The following MKLN1 variants were observed in gnomAD, a reference collection of about 807,000 sequenced individuals.
MKLN1 encodes the protein muskelin 1, also known as muskelin.
Under a neutral mutation model 99.0 loss-of-function variants are expected in MKLN1, and 18 were observed. The observed-to-expected ratio is 0.18, with a 90% CI of 0.13 to 0.27. The LOEUF is 0.27. Ranked by LOEUF, MKLN1 falls within the 10% of genes least tolerant of loss-of-function variation. MKLN1 has a pLI of 1.00. For synonymous variants in MKLN1, 288 were observed against 293.2 expected, an observed-to-expected ratio of 0.98 and a Z score of 0.18; for missense variants, 621 against 875.9, an observed-to-expected ratio of 0.71 and a Z score of 3.67.
intron 2 of MKLN1, among the ~76,000 whole-genome samples, chr7:131,155,292 A>G (rs2116296856): frequency 6.6e-6 from 1 of 152,336 alleles, no homozygotes; most frequent in Non-Finnish European, 1.5e-5. Flanking sequence ...GAAACGAAGG[A>G]GGAAATAGTT....
At chr7:131,211,301 C>G (rs774169287) in intron 3 of MKLN1, among the ~76,000 whole-genome samples, 2 of 152,130 alleles carry the variant, frequency 1.3e-5, no homozygotes, top group Non-Finnish European at 2.9e-5. Flanking sequence ...TTCCTAAATA[C>G]TTTATTATAT....
intron 1 of MKLN1, among the ~76,000 whole-genome samples, chr7:131,128,390 G>A (rs1002199179): frequency 1.4e-4 from 21 of 152,050 alleles, no homozygotes; most frequent in Admixed American, 1.4e-3. Flanking sequence ...GCCTTCATGA[G>A]CAAAAAAGCA....
intron 3 of MKLN1, among the ~76,000 whole-genome samples, chr7:131,250,535 G>A (rs1168947129): frequency 6.6e-6 from 1 of 152,202 alleles, no homozygotes; most frequent in African/African-American, 2.4e-5. Flanking sequence ...CCATGGAGAT[G>A]TGGTGTACGC....
At chr7:131,328,113 G>A in intron 1 of MKLN1, 116 bp downstream of exon 1, 1 of 1,271,494 alleles carries the variant, frequency 7.9e-7, no homozygotes, top group South Asian at 1.3e-5. Context: ...TGCTGAGGGG[G>A]ACGTGCGGCC....
intron 8 of MKLN1, among the ~76,000 whole-genome samples, chr7:131,420,164 A>G (rs978033981): frequency 1.3e-5 from 2 of 152,018 alleles, no homozygotes; most frequent in Admixed American, 1.3e-4. Flanking sequence ...TGTTGTGCAC[A>G]TGTACCCTAA....
intron 2 of MKLN1, among the ~76,000 whole-genome samples, chr7:131,386,099 C>T (rs1175043957): frequency 6.6e-6 from 1 of 151,538 alleles, no homozygotes; most frequent in African/African-American, 2.4e-5. Flanking sequence ...CTGCAACCTC[C>T]ATCTCTAGGG....
chr7:131,191,177 T>C (rs1163805708), intron 2 of MKLN1, among the ~76,000 whole-genome samples: 3 of 152,214 alleles, frequency 2.0e-5, no homozygotes, highest in African/African-American at 7.2e-5. Flanking sequence ...ATTACAAAGC[T>C]AAGGTCTAAA....
chr7:131,158,108 G>GT (rs1157379067), intron 2 of MKLN1, among the ~76,000 whole-genome samples: 1 of 152,132 alleles, frequency 6.6e-6, no homozygotes, highest in Non-Finnish European at 1.5e-5. Context: ...CATTGTACCC[G>GT]TAAGTACAGA....
intron 1 of MKLN1, among the ~76,000 whole-genome samples, chr7:131,135,289 A>C (rs912965007): frequency 2.0e-5 from 3 of 151,976 alleles, no homozygotes; most frequent in African/African-American, 7.3e-5. Context: ...CGCCCGGCTA[A>C]TTTTTGTATT....
intron 3 of MKLN1, among the ~76,000 whole-genome samples, chr7:131,256,593 C>T (rs1288883585): frequency 6.6e-6 from 1 of 152,024 alleles, no homozygotes; most frequent in Non-Finnish European, 1.5e-5. Flanking sequence ...ATGAAGAGAA[C>T]CAGAAATGGT....
Position 131,268,482 on chromosome 7 carries a change from AG to A in MKLN1, c.-179+65510del, listed in dbSNP as rs575914146. On this transcript the variant is annotated intron_variant, in intron 3 of 7. Coordinates refer to the MKLN1 transcript ENST00000416992. ...GTCCAATACGGATTGGTAGAGGTGG[AG>A]GTGTGTGGAATGTGGTGATTTGATT... Among the ~76,000 whole-genome samples the A allele has an allele frequency of 2.1e-3, 319 of 152,264 alleles. 1 individual carries two copies. The Middle Eastern group carries it at 0.024, about 11-fold the overall frequency.
intron 3 of MKLN1, among the ~76,000 whole-genome samples, chr7:131,212,928 A>AAAC (rs1438527086): frequency 2.1e-5 from 3 of 144,168 alleles, no homozygotes; most frequent in Non-Finnish European, 4.7e-5. Context: ...CGTCTCAAAA[A>AAAC]AAAAAAACAA....
intron 1 of MKLN1, among the ~76,000 whole-genome samples, chr7:131,329,513 T>G (rs1022458569): frequency 6.6e-6 from 1 of 152,222 alleles, no homozygotes; most frequent in African/African-American, 2.4e-5. Context: ...GTTATTCAGC[T>G]TTTTTCTATA....
chr7:131,161,006 T>C (rs2116312240), intron 2 of MKLN1, among the ~76,000 whole-genome samples: 1 of 152,274 alleles, frequency 6.6e-6, no homozygotes, highest in East Asian at 1.9e-4. Context: ...CTGAAGGTCA[T>C]TGACACTCCA....
chr7:131,445,431 T>C (rs77795244), intron 11 of MKLN1, among the ~76,000 whole-genome samples: 6 of 152,246 alleles, frequency 3.9e-5, no homozygotes, highest in African/African-American at 1.2e-4. Flanking sequence ...CTCGCTTGCG[T>C]GCTCTCTCTC....
chr7:131,422,409 G>C (rs897717963), intron 8 of MKLN1, among the ~76,000 whole-genome samples: 1 of 152,144 alleles, frequency 6.6e-6, no homozygotes, highest in East Asian at 1.9e-4. Flanking sequence ...TAGTTAGCCA[G>C]GCATGGTGAC....
intron 2 of MKLN1, among the ~76,000 whole-genome samples, chr7:131,173,881 A>G (rs777888388): frequency 1.6e-4 from 25 of 152,092 alleles, no homozygotes; most frequent in Admixed American, 9.2e-4. Flanking sequence ...TTCATTTACT[A>G]CAGATTTTCT....
rs542489750 is a variant in MKLN1 at position 131,381,773 on chromosome 7, G to A, written c.169-5347G>A. Among the ~76,000 whole-genome samples the A allele has an allele frequency of 7.9e-5, 12 of 151,468 alleles. No individual in the cohort carries two copies. The East Asian group carries it at 2.3e-3, about 29-fold the overall frequency. Reference sequence around the variant, plus strand: ...AGAAAATAATTGTTTTCTTTTTTTTGTCCTCTCATCTCCTTCTCTCTAGTA... The same window carrying A: ...AGAAAATAATTGTTTTCTTTTTTTTATCCTCTCATCTCCTTCTCTCTAGTA... On this transcript the variant is annotated intron_variant, in intron 2 of 17. Transcript: ENST00000352689.
chr7:131,468,062 C>A (rs1319428976), intron 15 of MKLN1, among the ~76,000 whole-genome samples: 1 of 152,146 alleles, frequency 6.6e-6, no homozygotes, highest in Non-Finnish European at 1.5e-5. Flanking sequence ...GGACCACCAC[C>A]ATTTGAGGGA....
Sources: allele counts gnomAD v4.1 joint callset (sites outside exome capture counted in the v4.1 genomes callset), GRCh38; gene constraint gnomAD v4.1.1; transcripts MANE v1.5; gene names NCBI Gene and HGNC (gene_info 2026-07-23, HGNC 2026-07-21).